Variants in CNTN4 observed in about 807,000 individuals in gnomAD.
CNTN4 encodes contactin-4.
In CNTN4, 77 loss-of-function variants were observed where a neutral mutation model predicts 122.5. That is an observed-to-expected ratio of 0.63 (90% CI 0.52 to 0.76). The LOEUF (loss-of-function observed/expected upper bound fraction) is 0.76, where lower values mean the gene tolerates loss of function less well. Ranked by LOEUF, CNTN4 falls within the 30% of genes least tolerant of loss-of-function variation. The pLI, the probability that CNTN4 is intolerant of heterozygous loss-of-function variation, is 0.00. For missense variants in CNTN4, 1,256 were observed against 1,259.1 expected (o/e 1.00, Z 0.04); for synonymous variants, 512 against 447.0 (o/e 1.15, Z -1.83).
At chr3:2,193,084 C>T (rs2037662150) in intron 2 of CNTN4, among the ~76,000 whole-genome samples, 1 of 152,178 alleles carries the variant, frequency 6.6e-6, no homozygotes. Flanking sequence ...TGCATCTTTA[C>T]TGGAGTTGAC....
At chr3:2,642,430 C>T (rs541512324) in intron 4 of CNTN4, among the ~76,000 whole-genome samples, 39 of 152,282 alleles carry the variant, frequency 2.6e-4, no homozygotes, top group African/African-American at 9.1e-4. Context: ...AGGAACAATA[C>T]TTTGCATCAT....
rs576809396 is a variant in CNTN4 at position 2,727,743 on chromosome 3, A to T, written c.56-8472A>T. Among the ~76,000 whole-genome samples the T allele has an allele frequency of 5.9e-5, 9 of 152,346 alleles. No homozygotes were observed. The South Asian group carries it at 1.9e-3, about 32-fold the overall frequency. On this transcript the variant is annotated intron_variant, in intron 4 of 24. Transcript: ENST00000418658. ...TGATGGCGGCAGCATTATTTTGTTA[A>T]CAAGAGAACAAAGAAATCGTCTGAG...
intron 2 of CNTN4, among the ~76,000 whole-genome samples, chr3:2,243,461 T>A (rs956397042): frequency 6.6e-6 from 1 of 152,100 alleles, no homozygotes; most frequent in Non-Finnish European, 1.5e-5. Flanking sequence ...ACAGCTTTTA[T>A]TGTGGCCTGA....
chr3:2,323,538 T>C (rs550060526), intron 2 of CNTN4, among the ~76,000 whole-genome samples: 1 of 152,290 alleles, frequency 6.6e-6, no homozygotes, highest in Non-Finnish European at 1.5e-5. Flanking sequence ...GCTCTTAGAT[T>C]TAAATGATCA....
At chr3:2,502,857 G>A (rs906598808) in intron 3 of CNTN4, among the ~76,000 whole-genome samples, 1 of 152,008 alleles carries the variant, frequency 6.6e-6, no homozygotes, top group Non-Finnish European at 1.5e-5. Context: ...TAGTAACAGT[G>A]CTTTTATTAT....
intron 3 of CNTN4, among the ~76,000 whole-genome samples, chr3:2,460,811 G>A (rs889442437): frequency 1.3e-5 from 2 of 152,268 alleles, no homozygotes; most frequent in East Asian, 3.9e-4. Context: ...TTTTAAATTT[G>A]TTAGTCAATA....
chr3:2,180,921 T>C (rs2036985505), intron 2 of CNTN4, among the ~76,000 whole-genome samples: 1 of 152,098 alleles, frequency 6.6e-6, no homozygotes, highest in Non-Finnish European at 1.5e-5. Flanking sequence ...CTATGAGCAT[T>C]GACAGATAAG....
At chr3:2,458,635 C>T (rs1451596024) in intron 3 of CNTN4, among the ~76,000 whole-genome samples, 1 of 148,872 alleles carries the variant, frequency 6.7e-6, no homozygotes, top group African/African-American at 2.4e-5. Context: ...ATTTTTTTTT[C>T]CCCACGAAGT....
At chr3:2,353,958 A>G (rs993801159) in intron 3 of CNTN4, among the ~76,000 whole-genome samples, 4 of 152,194 alleles carry the variant, frequency 2.6e-5, no homozygotes, top group African/African-American at 7.2e-5. Flanking sequence ...TCACTTGATG[A>G]CAATGATGAC....
intron 14 of CNTN4, among the ~76,000 whole-genome samples, chr3:3,017,140 C>CT (rs1209547245): frequency 3.3e-5 from 5 of 152,248 alleles, no homozygotes; most frequent in Admixed American, 2.6e-4. Context: ...ACTTATTGTT[C>CT]TTTTTCCAAT....
chr3:2,115,980 T>C (rs1447877288), intron 2 of CNTN4, among the ~76,000 whole-genome samples: 3 of 152,222 alleles, frequency 2.0e-5, no homozygotes, highest in African/African-American at 7.2e-5. Flanking sequence ...TGAGTCTTGG[T>C]ATTTATGCAG....
At chr3:2,997,487 T>A (rs1041462494) in intron 14 of CNTN4, among the ~76,000 whole-genome samples, 8 of 152,234 alleles carry the variant, frequency 5.3e-5, no homozygotes, top group Admixed American at 2.6e-4. Flanking sequence ...CCTTCCTGTT[T>A]TGGCATTTGT....
At chr3:2,259,044 T>G (rs2040715811) in intron 2 of CNTN4, among the ~76,000 whole-genome samples, 1 of 152,200 alleles carries the variant, frequency 6.6e-6, no homozygotes, top group South Asian at 2.1e-4. Flanking sequence ...GGTTAAATAA[T>G]GTACCCAAAG....
intron 7 of CNTN4, among the ~76,000 whole-genome samples, chr3:2,839,474 T>C (rs1006558524): frequency 2.6e-5 from 4 of 152,102 alleles, no homozygotes; most frequent in Non-Finnish European, 4.4e-5. Flanking sequence ...TTGGTGATTT[T>C]TGTACCTCTG....
At chr3:2,608,131 G>A (rs2081335390) in intron 4 of CNTN4, among the ~76,000 whole-genome samples, 1 of 152,154 alleles carries the variant, frequency 6.6e-6, no homozygotes, top group African/African-American at 2.4e-5. Flanking sequence ...AGTGAAATTT[G>A]AGGCATTGTT....
intron 14 of CNTN4, among the ~76,000 whole-genome samples, chr3:3,002,443 T>G (rs947563460): frequency 6.6e-6 from 1 of 151,880 alleles, no homozygotes; most frequent in Non-Finnish European, 1.5e-5. Context: ...GAAACAGAGA[T>G]AGAGAGAGAG....
At chr3:2,941,671 C>T (rs55751947) in intron 13 of CNTN4, among the ~76,000 whole-genome samples, 56,373 of 151,926 alleles carry the variant, frequency 0.37, 11,955 homozygotes, top group Middle Eastern at 0.54. Flanking sequence ...GTAGCCCCGA[C>T]GCGTCGCTCT....
intron 2 of CNTN4, among the ~76,000 whole-genome samples, chr3:2,189,599 G>A (rs751539902): frequency 1.2e-4 from 19 of 152,166 alleles, no homozygotes; most frequent in South Asian, 4.1e-4. Flanking sequence ...TATTCTTCTC[G>A]CCTCCATGTT....
rs1488458951 is a variant in CNTN4 at position 2,781,859 on chromosome 3, G to A, written c.358+36162G>A. 3.4e-4 allele frequency among the ~76,000 whole-genome samples: 40 copies of A among 117,310 alleles called. 4 individuals carry two copies. Among genetic ancestry groups the A allele is most frequent in the African/African-American group, 1.5e-3 (33 of 22,222 alleles). 77.0% of individuals were successfully genotyped at this position (117,310 alleles called of 152,430 possible). A position where few individuals can be genotyped will look rare whatever the true frequency, so the allele number is the denominator to read the frequency against. On this transcript the variant is annotated intron_variant, in intron 6 of 24. Coordinates refer to ENST00000418658, the MANE Select transcript of CNTN4 (RefSeq NM_175607.3). ...CCTGCCTCAGCCTCCCGAGTAGCTG[G>A]GACTGCAGGCGCCCGCACCACGCCC...
Sources: gnomAD v4.1 joint callset for allele counts (sites outside exome capture counted in the v4.1 genomes callset) on GRCh38, gnomAD v4.1.1 for gene constraint, MANE v1.5 for transcripts, NCBI Gene and HGNC (gene_info 2026-07-23, HGNC 2026-07-21) for gene names.